Variants in NTRK3 observed in about 807,000 individuals in gnomAD.
The protein encoded by NTRK3 is neurotrophic receptor tyrosine kinase 3, also known as NT-3 growth factor receptor.
Under a neutral mutation model 91.7 loss-of-function variants are expected in NTRK3, and 24 were observed. The ratio of observed to expected loss-of-function variants is 0.26; its 90% CI spans 0.19 to 0.37. NTRK3 has a LOEUF of 0.37. Ranked by LOEUF, NTRK3 falls within the 10% of genes least tolerant of loss-of-function variation. The pLI, the probability that NTRK3 is intolerant of heterozygous loss-of-function variation, is 1.00. For synonymous variants in NTRK3, 483 were observed against 404.0 expected, an observed-to-expected ratio of 1.20 and a Z score of -2.34; for missense variants, 880 against 1,068.9, an observed-to-expected ratio of 0.82 and a Z score of 2.46.
At chr15:87,892,322 A>T (rs1016173732) in intron 17 of NTRK3, among the ~76,000 whole-genome samples, 5 of 152,178 alleles carry the variant, frequency 3.3e-5, no homozygotes, top group Non-Finnish European at 5.9e-5. Flanking sequence ...ACAAACTTAA[A>T]AGAATTATCA....
intron 3 of NTRK3, among the ~76,000 whole-genome samples, chr15:88,216,489 C>T (rs186041200): frequency 1.3e-5 from 2 of 152,196 alleles, no homozygotes; most frequent in Non-Finnish European, 2.9e-5. Flanking sequence ...AGCCCAGCCA[C>T]GTGCTGGTCA....
intron 14 of NTRK3, among the ~76,000 whole-genome samples, chr15:88,025,159 C>G (rs2077925155): frequency 6.6e-6 from 1 of 152,200 alleles, no homozygotes; most frequent in Non-Finnish European, 1.5e-5. Flanking sequence ...GAAAGCCAGT[C>G]TAATGTGAAA....
chr15:87,915,830 T>C (rs552705613), intron 17 of NTRK3, among the ~76,000 whole-genome samples: 1 of 152,364 alleles, frequency 6.6e-6, no homozygotes, highest in East Asian at 1.9e-4. Context: ...ATTGTTTTTT[T>C]TTCAGATGAG....
At chr15:87,922,638 A>G (rs1243090538) in intron 17 of NTRK3, among the ~76,000 whole-genome samples, 1 of 152,202 alleles carries the variant, frequency 6.6e-6, no homozygotes, top group Non-Finnish European at 1.5e-5. Flanking sequence ...TCTGAAGCCC[A>G]TCCTTTGACC....
rs183857553 is a variant in NTRK3, at chr15:88,166,426, C to T, written c.395+16992G>A. Among the ~76,000 whole-genome samples the T allele has an allele frequency of 2.0e-3, 299 of 152,278 alleles. 1 individual carries two copies. Among genetic ancestry groups the T allele is most frequent in the Non-Finnish European group, 2.8e-3 (191 of 68,024 alleles). ...GCATTCGCTTAAGGACATAGGTCAGCCCACTAGCAGCTGTGGCAATGCTAG... is the reference window on the plus strand; with the variant it reads ...GCATTCGCTTAAGGACATAGGTCAGTCCACTAGCAGCTGTGGCAATGCTAG... On this transcript the variant is annotated intron_variant, in intron 5 of 18. Transcript: ENST00000394480.
At position 88,204,057 on chromosome 15, in the gene NTRK3, G is replaced by T. The variant is rs7163963; in HGVS notation, c.249-19758C>A. Reference sequence around the variant, plus strand: ...TCTCCCCACCTGCCAACAGGCCCCAGTGTGTGATGTTCCTCTCCTTGTGTC... The same window carrying T: ...TCTCCCCACCTGCCAACAGGCCCCATTGTGTGATGTTCCTCTCCTTGTGTC... On this transcript the variant is annotated intron_variant, in intron 3 of 18. Coordinates refer to ENST00000394480, the Ensembl canonical transcript of NTRK3. Among the ~76,000 whole-genome samples the T allele has an allele frequency of 7.4e-3, 1,122 of 152,206 alleles. 18 individuals are homozygous for T. Among genetic ancestry groups the T allele is most frequent in the Middle Eastern group, 0.065 (19 of 294 alleles).
intron 5 of NTRK3, among the ~76,000 whole-genome samples, chr15:88,174,695 C>A (rs1237661013): frequency 6.6e-6 from 1 of 152,224 alleles, no homozygotes; most frequent in Non-Finnish European, 1.5e-5. Flanking sequence ...CAGCCCTGTG[C>A]CATAAGCAGG....
chr15:87,983,008 T>C (rs984889166), intron 14 of NTRK3, among the ~76,000 whole-genome samples: 15 of 152,246 alleles, frequency 9.9e-5, no homozygotes, highest in Non-Finnish European at 4.4e-5. Flanking sequence ...TGCTTCTTCC[T>C]TTTGTTATCT....
chr15:88,181,950 C>G (rs948950919), intron 5 of NTRK3, among the ~76,000 whole-genome samples: 8 of 152,188 alleles, frequency 5.3e-5, no homozygotes, highest in Non-Finnish European at 7.3e-5. Context: ...GGATGTTTTA[C>G]AGTGAAACTC....
rs1445687945 is a variant in NTRK3, at chr15:88,237,648, T to G, written c.248+18258A>C. 2.0e-5 allele frequency among the ~76,000 whole-genome samples: 3 copies of G among 152,228 alleles called. No homozygotes were observed. The highest frequency in any genetic ancestry group is 4.4e-5 in the Non-Finnish European group (3 of 68,036). ...ATGTTGCACTTGCTTGCGTGTGTCC[T>G]TCCCTTTATCCACCTCTATTCCACC... On this transcript the variant is annotated intron_variant, in intron 3 of 18. Coordinates refer to ENST00000394480, the Ensembl canonical transcript of NTRK3. This position sits in a 1 kb window ranked among gnomAD's most constrained non-coding sequence, Gnocchi z 4.0.
At chr15:87,914,975 G>C (rs568110996) in intron 17 of NTRK3, among the ~76,000 whole-genome samples, 1 of 152,154 alleles carries the variant, frequency 6.6e-6, no homozygotes, top group Non-Finnish European at 1.5e-5. Context: ...TGATAACAGC[G>C]GTGGCTATGG....
At chr15:87,974,448 G>A (rs915627795) in intron 14 of NTRK3, among the ~76,000 whole-genome samples, 2 of 151,924 alleles carry the variant, frequency 1.3e-5, no homozygotes, top group African/African-American at 4.8e-5. Flanking sequence ...CCTGTCTGAA[G>A]CTGCTCACCC....
intron 13 of NTRK3, among the ~76,000 whole-genome samples, chr15:88,122,722 T>G (rs2052855150): frequency 6.6e-6 from 1 of 152,200 alleles, no homozygotes; most frequent in African/African-American, 2.4e-5. Flanking sequence ...CCCTCAGATG[T>G]GGATGGGGAA....
chr15:87,889,396 C>CAT, intron 17 of NTRK3, among the ~76,000 whole-genome samples: 1 of 95,630 alleles, frequency 1.0e-5, no homozygotes, highest in East Asian at 3.3e-4. Flanking sequence ...TTATTAGTTC[C>CAT]TTTTTTTTTT....
chr15:88,173,978 T>C (rs1200528624), intron 5 of NTRK3, among the ~76,000 whole-genome samples: 1 of 152,244 alleles, frequency 6.6e-6, no homozygotes. Context: ...AAATGACATA[T>C]AAAGTGCATA....
exon 19 of NTRK3, chr15:87,874,162 C>A (rs2064891056): frequency 8.8e-6 from 2 of 226,712 alleles, no homozygotes; most frequent in Non-Finnish European, 1.8e-5. Flanking sequence ...GTGTACCCTG[C>A]AATTTCCATG....
intron 13 of NTRK3, among the ~76,000 whole-genome samples, chr15:88,058,174 A>G (rs1451837259): frequency 2.0e-5 from 3 of 152,150 alleles, no homozygotes; most frequent in Admixed American, 6.5e-5. Flanking sequence ...GTGTGTAGGA[A>G]CTTGGATCGC....
chr15:88,175,515 G>C (rs991599427), intron 5 of NTRK3, among the ~76,000 whole-genome samples: 37 of 152,148 alleles, frequency 2.4e-4, no homozygotes, highest in African/African-American at 7.7e-4. Context: ...ATCAATTTTA[G>C]AATATTTTCA....
chr15:88,094,711 C>T (rs2049402151), intron 13 of NTRK3, among the ~76,000 whole-genome samples: 2 of 152,164 alleles, frequency 1.3e-5, no homozygotes, highest in Non-Finnish European at 1.5e-5. Flanking sequence ...TGGGGACCAT[C>T]TGATGTCTAC....
Sources: gnomAD v4.1 joint callset for allele counts (sites outside exome capture counted in the v4.1 genomes callset) on GRCh38, gnomAD v4.1.1 for gene constraint, Gnocchi (gnomAD v3.1) non-coding constraint, MANE v1.5 for transcripts, NCBI Gene and HGNC (gene_info 2026-07-23, HGNC 2026-07-21) for gene names.